Variants in LRFN5 observed in about 807,000 individuals in gnomAD.
LRFN5 encodes leucine rich repeat and fibronectin type III domain containing 5.
A neutral mutation model predicts 45.6 loss-of-function variants in LRFN5; 24 were observed. That is an observed-to-expected ratio of 0.53 (90% CI 0.38 to 0.74). The LOEUF is 0.74. Ranked by LOEUF, LRFN5 falls within the 30% of genes least tolerant of loss-of-function variation. LRFN5 has a pLI of 0.00. For missense variants in LRFN5, 776 were observed against 861.5 expected, an observed-to-expected ratio of 0.90 and a Z score of 1.24; for synonymous variants, 340 against 313.8, an observed-to-expected ratio of 1.08 and a Z score of -0.88.
chr14:41,836,117 C>G (rs1174177094), intron 2 of LRFN5, among the ~76,000 whole-genome samples: 1 of 151,984 alleles, frequency 6.6e-6, no homozygotes, highest in Non-Finnish European at 1.5e-5. Flanking sequence ...ATGCTGCTTA[C>G]TTGGACTTGG....
At chr14:41,856,085 G>A (rs1256130246) in intron 2 of LRFN5, among the ~76,000 whole-genome samples, 2 of 152,040 alleles carry the variant, frequency 1.3e-5, no homozygotes, top group East Asian at 1.9e-4. Flanking sequence ...ATGCGTAGTC[G>A]AATTTCAGTA....
intron 3 of LRFN5, 115 bp from the exon 4 acceptor site, chr14:41,891,135 A>G (rs950412467): frequency 1.2e-6 from 1 of 801,686 alleles, no homozygotes; most frequent in South Asian, 1.6e-5. Flanking sequence ...AATAATTCAT[A>G]TGTTATAAAT....
intron 2 of LRFN5, among the ~76,000 whole-genome samples, chr14:41,846,383 A>G (rs1309795935): frequency 2.0e-5 from 3 of 152,160 alleles, no homozygotes; most frequent in Admixed American, 2.0e-4. Flanking sequence ...AGAATCAAAA[A>G]TACATTTTGC....
intron 1 of LRFN5, among the ~76,000 whole-genome samples, chr14:41,711,657 G>A: frequency 6.6e-6 from 1 of 152,216 alleles, no homozygotes; most frequent in African/African-American, 2.4e-5. Flanking sequence ...GCTTGCAGAA[G>A]CAATCACAGT....
chr14:41,646,806 G>C (rs1879838756), intron 1 of LRFN5, among the ~76,000 whole-genome samples: 1 of 152,186 alleles, frequency 6.6e-6, no homozygotes, highest in Non-Finnish European at 1.5e-5. Context: ...TGGGCCTCCA[G>C]ACAATTTCCA....
intron 1 of LRFN5, among the ~76,000 whole-genome samples, chr14:41,692,791 T>G (rs1253285398): frequency 2.0e-5 from 3 of 152,196 alleles, no homozygotes; most frequent in African/African-American, 7.2e-5. Flanking sequence ...TTGTCTTCTC[T>G]TTAAGAAATA....
chr14:41,720,585 T>C (rs1354168714), intron 1 of LRFN5, among the ~76,000 whole-genome samples: 1 of 152,140 alleles, frequency 6.6e-6, no homozygotes, highest in African/African-American at 2.4e-5. Flanking sequence ...GTTGTGTCTC[T>C]GTTTACATAT....
chr14:41,892,290 A>C, intron 4 of LRFN5: 8 of 969,574 alleles, frequency 8.3e-6, no homozygotes, highest in Non-Finnish European at 9.8e-6. Context: ...TCTCAGGTAC[A>C]GTATATATAT....
chr14:41,891,982 T>A lies in LRFN5; in HGVS notation c.2098+20T>A. On this transcript the variant is annotated intron_variant, in intron 4 of 5. Coordinates refer to ENST00000298119, the MANE Select transcript of LRFN5 (RefSeq NM_152447.5). ...AGCCAAGTAAGTTTATCACTTTGCC[T>A]GCTGAGAGATCCGGAGCAAGGCACA... 1 of 1,604,890 alleles carries A rather than the reference T, an allele frequency of 6.2e-7. No homozygotes were observed. Among genetic ancestry groups the A allele is most frequent in the Non-Finnish European group, 8.5e-7 (1 of 1,177,560 alleles).
intron 1 of LRFN5, among the ~76,000 whole-genome samples, chr14:41,658,001 C>T (rs1002364167): frequency 1.3e-5 from 2 of 151,428 alleles, no homozygotes. Flanking sequence ...TGTATTCTAC[C>T]TGTTTACAAA....
chr14:41,747,981 G>T (rs575520442), intron 1 of LRFN5, among the ~76,000 whole-genome samples: 17 of 152,146 alleles, frequency 1.1e-4, no homozygotes, highest in African/African-American at 3.6e-4. Flanking sequence ...TTAGGATGAA[G>T]ACTCTCCAAA....
intron 1 of LRFN5, among the ~76,000 whole-genome samples, chr14:41,671,619 T>TTTTTTTTTTTTTG (rs1881230944): frequency 8.0e-6 from 1 of 125,714 alleles, no homozygotes; most frequent in Admixed American, 8.5e-5. Context: ...TTTTTTTCGT[T>TTTTTTTTTTTTTG]TTTTTTTTTT....
chr14:41,815,570 C>G (rs1165399064), intron 2 of LRFN5, among the ~76,000 whole-genome samples: 1 of 151,908 alleles, frequency 6.6e-6, no homozygotes. Flanking sequence ...GACCTCATCT[C>G]TACTAAAAAT....
chr14:41,696,552 A>C (rs1882619935), intron 1 of LRFN5, among the ~76,000 whole-genome samples: 1 of 151,756 alleles, frequency 6.6e-6, no homozygotes, highest in Non-Finnish European at 1.5e-5. Flanking sequence ...AGACATCACA[A>C]TCTGTTGATA....
chr14:41,693,770 G>T (rs776092953), intron 1 of LRFN5, among the ~76,000 whole-genome samples: 2 of 151,348 alleles, frequency 1.3e-5, no homozygotes, highest in Admixed American at 6.6e-5. Context: ...TCTTTTTCTT[G>T]CTTCATTATT....
At chr14:41,825,167 C>G (rs1888250863) in intron 2 of LRFN5, among the ~76,000 whole-genome samples, 1 of 152,148 alleles carries the variant, frequency 6.6e-6, no homozygotes, top group East Asian at 1.9e-4. Context: ...GCCCTCTGTT[C>G]AAGCCCTGGC....
chr14:41,890,993 A>C (rs1033237443), intron 3 of LRFN5, among the ~76,000 whole-genome samples: 3 of 152,116 alleles, frequency 2.0e-5, no homozygotes, highest in African/African-American at 7.2e-5. Context: ...TTTTATTAGG[A>C]GTTCTCCTTT....
At chr14:41,846,889 T>C (rs771924088) in intron 2 of LRFN5, among the ~76,000 whole-genome samples, 3 of 152,148 alleles carry the variant, frequency 2.0e-5, no homozygotes, top group Non-Finnish European at 1.5e-5. Context: ...TCTTGGTCTA[T>C]GGCCCCTTCC....
intron 1 of LRFN5, among the ~76,000 whole-genome samples, chr14:41,618,342 C>T (rs752709312): frequency 3.9e-5 from 6 of 152,170 alleles, no homozygotes; most frequent in Non-Finnish European, 7.4e-5. Context: ...TTGCTTTCAA[C>T]AACAGGGATT....
Sources: allele counts gnomAD v4.1 joint callset (sites outside exome capture counted in the v4.1 genomes callset), GRCh38; gene constraint gnomAD v4.1.1; transcripts MANE v1.5; gene names NCBI Gene and HGNC (gene_info 2026-07-23, HGNC 2026-07-21).